The following NAV2 variants were observed in gnomAD, a reference collection of about 807,000 sequenced individuals.
The protein encoded by NAV2 is helicase, APC down-regulated 1.
A neutral mutation model predicts 223.2 loss-of-function variants in NAV2; 54 were observed. The observed-to-expected ratio is 0.24, with a 90% confidence interval of 0.19 to 0.30. NAV2 has a LOEUF of 0.30. NAV2 is among the 10% of genes least tolerant of loss of function. The probability of loss-of-function intolerance (pLI) is 1.00; values close to 1 mark genes in which losing one functional copy is unlikely to be tolerated. For missense variants in NAV2, 2,806 were observed against 3,147.5 expected, an observed-to-expected ratio of 0.89 and a Z score of 2.60; for synonymous variants, 1,279 against 1,239.3, an observed-to-expected ratio of 1.03 and a Z score of -0.67.
chr11:19,457,774 C>A (rs947667924), intron 1 of NAV2, among the ~76,000 whole-genome samples: 1 of 152,080 alleles, frequency 6.6e-6, no homozygotes, highest in Non-Finnish European at 1.5e-5. Context: ...TTTGGGGCAC[C>A]ACCGTCCTGG....
intron 1 of NAV2, among the ~76,000 whole-genome samples, chr11:19,558,764 G>T (rs1172990378): frequency 6.6e-6 from 1 of 152,156 alleles, no homozygotes; most frequent in Non-Finnish European, 1.5e-5. Context: ...ACAGGCTGGG[G>T]GCTCGGATGT....
At chr11:20,077,387 G>C (rs113817220) in intron 22 of NAV2, among the ~76,000 whole-genome samples, 165 bp from the exon 23 acceptor site, 2,633 of 152,130 alleles carry the variant, frequency 0.017, 31 homozygotes, top group Non-Finnish European at 0.029. Context: ...TAGAAGACTG[G>C]AGTGACTGGA....
At chr11:19,777,581 C>A (rs1294163251) in intron 1 of NAV2, 2 of 453,676 alleles carry the variant, frequency 4.4e-6, no homozygotes, top group East Asian at 7.0e-5. Flanking sequence ...CCCACCCCGC[C>A]CCCCATCCCC....
At chr11:19,587,014 G>A (rs1049168781) in intron 1 of NAV2, among the ~76,000 whole-genome samples, 16 of 152,220 alleles carry the variant, frequency 1.1e-4, no homozygotes, top group Admixed American at 2.0e-4. Context: ...CTTGAGCTGA[G>A]GTGGGCTCCA....
chr11:20,117,196 G>T (rs528310680), intron 37 of NAV2, among the ~76,000 whole-genome samples: 3 of 151,242 alleles, frequency 2.0e-5, no homozygotes, highest in Non-Finnish European at 4.4e-5. Context: ...ACAATTTACA[G>T]TTATAAATAA....
chr11:19,583,549 C>G (rs2045791067), intron 1 of NAV2, among the ~76,000 whole-genome samples: 1 of 152,140 alleles, frequency 6.6e-6, no homozygotes, highest in Non-Finnish European at 1.5e-5. Flanking sequence ...TGAGACATGT[C>G]CCATCAATAC....
At chr11:19,857,131 T>C (rs1283044583) in intron 3 of NAV2, among the ~76,000 whole-genome samples, 1 of 152,244 alleles carries the variant, frequency 6.6e-6, no homozygotes, top group Admixed American at 6.5e-5. Flanking sequence ...GGTCTAGTGC[T>C]TCTTCCAAAA....
intron 10 of NAV2, among the ~76,000 whole-genome samples, chr11:19,949,616 T>C (rs949373901): frequency 6.6e-6 from 1 of 152,232 alleles, no homozygotes; most frequent in African/African-American, 2.4e-5. Context: ...TCCTTGACCA[T>C]GCAATTTGAA....
At chr11:19,904,609 CA>C (rs535626195) in intron 6 of NAV2, among the ~76,000 whole-genome samples, 21 of 152,114 alleles carry the variant, frequency 1.4e-4, no homozygotes, top group Non-Finnish European at 2.5e-4. Context: ...GGACAGAAAC[CA>C]GTTCCCTTGC....
In NAV2 at chr11:19,582,191, C is replaced by T. The variant is rs540568842; in HGVS notation, c.75+231164C>T. ...TTGAGAAGTGTCTGTTCATATCCTT[C>T]GCCCACTTGTTGATGGGGTTGTTTG... On this transcript the variant is annotated intron_variant, in intron 1 of 37. Transcript: ENST00000360655. 6.8e-3 allele frequency among the ~76,000 whole-genome samples: 1,041 copies of T among 152,200 alleles called. 8 individuals are homozygous for T. The highest frequency in any genetic ancestry group is 0.012 in the Non-Finnish European group (821 of 68,004).
intron 10 of NAV2, among the ~76,000 whole-genome samples, chr11:19,971,895 G>T (rs1292802499): frequency 6.6e-6 from 1 of 152,146 alleles, no homozygotes; most frequent in Non-Finnish European, 1.5e-5. Context: ...TAGAGACGGG[G>T]TTTCACCATG....
In NAV2 at chr11:20,082,991, A is replaced by G. The variant is rs1375254460; in HGVS notation, c.5326-16A>G. The G allele has an allele frequency of 1.9e-6, 3 of 1,604,080 alleles. No individual in the cohort carries two copies. In the African/African-American group the frequency reaches 4.0e-5, roughly 21 times the overall value. On this transcript the variant is annotated splice_polypyrimidine_tract_variant and intron_variant, in intron 25 of 37. Coordinates refer to ENST00000349880, the MANE Select transcript of NAV2 (RefSeq NM_145117.5). ...TGGTTGCCCCCGCTGTGAGACTGAC[A>G]GTCTTGTATATTCAGTTACGCAGCT...
intron 1 of NAV2, among the ~76,000 whole-genome samples, chr11:19,662,848 C>T (rs1316311255): frequency 1.3e-5 from 2 of 152,230 alleles, no homozygotes; most frequent in African/African-American, 2.4e-5. Flanking sequence ...CTTGCCACTC[C>T]ATATCCTTAT....
chr11:20,031,270 A>G (rs2055704254), intron 11 of NAV2, among the ~76,000 whole-genome samples: 1 of 152,188 alleles, frequency 6.6e-6, no homozygotes, highest in South Asian at 2.1e-4. Flanking sequence ...TGCTATCTTA[A>G]TCACTTTTTG....
At chr11:19,732,152 G>A (rs188412552) in intron 1 of NAV2, among the ~76,000 whole-genome samples, 282 of 152,108 alleles carry the variant, frequency 1.9e-3, no homozygotes, top group African/African-American at 6.1e-3. Flanking sequence ...CCTGCTACTC[G>A]GGAGGCTGAG....
chr11:19,441,478 C>T (rs1851402795), intron 1 of NAV2, among the ~76,000 whole-genome samples: 1 of 150,636 alleles, frequency 6.6e-6, no homozygotes, highest in South Asian at 2.1e-4. Flanking sequence ...ACACACCCTT[C>T]AACAGGCTGA....
intron 20 of NAV2, 123 bp from the exon 21 acceptor site, chr11:20,068,063 A>G (rs1031712396): frequency 2.2e-6 from 2 of 904,350 alleles, no homozygotes; most frequent in Admixed American, 4.3e-5. Flanking sequence ...GAAATACACC[A>G]GAAAAGAAAC....
chr11:20,087,276 C>T (rs952774403), intron 26 of NAV2, among the ~76,000 whole-genome samples: 2 of 152,186 alleles, frequency 1.3e-5, no homozygotes, highest in African/African-American at 2.4e-5. Flanking sequence ...CCACTTTCCC[C>T]AGAGGAATCG....
chr11:19,960,420 T>C (rs2048254010), intron 10 of NAV2, among the ~76,000 whole-genome samples: 2 of 152,018 alleles, frequency 1.3e-5, no homozygotes, highest in Non-Finnish European at 2.9e-5. Context: ...CCCTAGAGGG[T>C]AATTGTTACT....
Sources: gnomAD v4.1 joint callset for allele counts (sites outside exome capture counted in the v4.1 genomes callset) on GRCh38, gnomAD v4.1.1 for gene constraint, MANE v1.5 for transcripts, NCBI Gene and HGNC (gene_info 2026-07-23, HGNC 2026-07-21) for gene names.